MROH2A: variants seen among roughly 807,000 people sequenced by gnomAD.
The protein encoded by MROH2A is maestro heat-like repeat-containing protein family member 2A.
In MROH2A, 174 loss-of-function variants were observed where a neutral mutation model predicts 200.4. The ratio of observed to expected loss-of-function variants is 0.87; its 90% confidence interval spans 0.77 to 0.98. The LOEUF (loss-of-function observed/expected upper bound fraction) is 0.98. Among genes scored for constraint, MROH2A ranks in the 50% least tolerant of loss-of-function variants. The pLI is 0.00. For synonymous variants in MROH2A, 829 were observed against 840.4 expected, an observed-to-expected ratio of 0.99 and a Z score of 0.23; for missense variants, 2,045 against 2,139.6, an observed-to-expected ratio of 0.96 and a Z score of 0.87.
At position 233,780,806 on chromosome 2, in the gene MROH2A, A is replaced by G. The variant is rs948155098; in HGVS notation, c.276+954A>G. Among the ~76,000 whole-genome samples, 11 of 152,320 alleles carry G rather than the reference A, an allele frequency of 7.2e-5. No individual in the cohort carries two copies. In the East Asian group the frequency reaches 2.1e-3, roughly 29 times the overall value. On this transcript the variant is annotated intron_variant, in intron 3 of 41. Transcript: ENST00000389758. ...TCATTGTTGACTATATTCACAACCT[A>G]CAGTGCTATAGAACACAAGAGCTTA... is the stretch of plus-strand genomic sequence containing the variant.
intron 12 of MROH2A, among the ~76,000 whole-genome samples, chr2:233,799,514 G>A (rs947646139): frequency 1.3e-5 from 2 of 152,186 alleles, no homozygotes; most frequent in African/African-American, 2.4e-5. Context: ...CACGGCAAGG[G>A]CTGCTAGAAT....
chr2:233,781,292 C>T (rs1294922282), intron 3 of MROH2A, among the ~76,000 whole-genome samples: 1 of 152,092 alleles, frequency 6.6e-6, no homozygotes, highest in Non-Finnish European at 1.5e-5. Flanking sequence ...TCTAGTTTTA[C>T]TTTTTTTGAG....
chr2:233,796,206 C>A lies in MROH2A; in HGVS notation c.1145C>A (p.Ser382Tyr). 5 of 1,550,080 alleles carry A rather than the reference C, an allele frequency of 3.2e-6. No homozygotes were observed. The South Asian group carries it at 3.6e-5, about 11-fold the overall frequency. The stretch of plus-strand genomic sequence containing the variant: ...CTGTCCTTCCACCCTGCAGCTCGCT[C>A]CTACCCCAAGGAGCTGATGAAGTTC... ...MVHCFVALAR[S>Y]YPKELMKFFF... The change falls in exon 11 of 42, where the codon TCC becomes TAC. Residue 382 changes from serine (S) to tyrosine (Y), a missense_variant. By Grantham distance (144) the Ser-to-Tyr change is moderately radical. Transcript: ENST00000389758.
chr2:233,827,523 G>A (rs1029519573), intron 35 of MROH2A, among the ~76,000 whole-genome samples: 8 of 152,160 alleles, frequency 5.3e-5, no homozygotes, highest in African/African-American at 9.7e-5. Context: ...TGAACAATGA[G>A]ATCACATGGA....
rs1704809534 is a variant in MROH2A, at chr2:233,832,192, G to GCTGTTCTCTA, written c.4752_4761dup (p.Arg1588CysfsTer14). On this transcript the variant is annotated frameshift_variant, in exon 40 of 42. Transcript: ENST00000389758. LOFTEE classifies it high-confidence loss of function. ...CTTTTTGCAGACTCGGAAAAAGCCG[G>GCTGTTCTCTA]CTGTTCTCTACCGCTTCTTGCTAGA... 4 of 1,550,470 alleles carry GCTGTTCTCTA rather than the reference G, an allele frequency of 2.6e-6. No individual in the cohort carries two copies. In the African/African-American group the frequency reaches 4.1e-5, roughly 16 times the overall value.
At chr2:233,799,595 G>A (rs993327861) in intron 12 of MROH2A, among the ~76,000 whole-genome samples, 185 bp from the exon 13 acceptor site, 1 of 152,100 alleles carries the variant, frequency 6.6e-6, no homozygotes, top group Non-Finnish European at 1.5e-5. Flanking sequence ...CTCCCAGGTG[G>A]GCATGCTGCA....
chr2:233,789,575 T>G lies in MROH2A; in HGVS notation c.355T>G (p.Cys119Gly), dbSNP rs1701592448. ...IQQEGELEEQ[C>G]VQRLVAIASK... ...GCAGGAGGGGGAGCTGGAGGAGCAG[T>G]GCGTGCAGAGGCTGGTGGCCATTGC... The change falls in exon 4 of 42, where the codon TGC (cysteine) becomes GGC (glycine). Residue 119 changes from cysteine (C) to glycine (G), a missense_variant. This residue lies in a region of MROH2A where 831 missense variants were observed against 800.0 expected (regional missense o/e 1.04). Transcript: ENST00000389758. 6.7e-7 allele frequency: 1 copy of G among 1,500,784 alleles called. No homozygotes were observed. The highest frequency in any genetic ancestry group is 2.3e-5 in the Admixed American group (1 of 43,302). 93.0% of individuals were successfully genotyped at this position (1,500,784 alleles called of 1,614,324 possible). A position where few individuals can be genotyped will look rare whatever the true frequency, so the allele number is the denominator to read the frequency against.
At chr2:233,816,079 T>C (rs1260198000) in intron 26 of MROH2A, among the ~76,000 whole-genome samples, 2 of 152,338 alleles carry the variant, frequency 1.3e-5, no homozygotes, top group South Asian at 2.1e-4. Context: ...TCCTTTTAAA[T>C]TGACTGAGAT....
intron 38 of MROH2A, among the ~76,000 whole-genome samples, chr2:233,829,997 G>C (rs1006107814): frequency 1.3e-5 from 2 of 152,116 alleles, no homozygotes; most frequent in African/African-American, 4.8e-5. Flanking sequence ...ACCTCACTAA[G>C]CAGTCTCAGC....
chr2:233,792,219 C>G (rs28948069), intron 5 of MROH2A, among the ~76,000 whole-genome samples: 24,796 of 151,956 alleles, frequency 0.16, 2,106 homozygotes, highest in East Asian at 0.29. Flanking sequence ...TTCCCTCCCT[C>G]TCTCGGACCT....
rs1392154983 is a variant in MROH2A, at chr2:233,820,805, G to A, written c.3512+749G>A. 2.0e-5 allele frequency among the ~76,000 whole-genome samples: 3 copies of A among 152,286 alleles called. No individual in the cohort carries two copies. The highest frequency in any genetic ancestry group is 4.8e-5 in the African/African-American group (2 of 41,570). ...GAAAAGAGTTTTAAAAATAGGCCCC[G>A]GCTCCAGAGCCACAAGGGCTGACCT... On this transcript the variant is annotated intron_variant, in intron 31 of 41. Transcript: ENST00000389758. The surrounding 1 kb of genome is among the most constrained non-coding windows in gnomAD (Gnocchi z 4.1).
chr2:233,780,897 C>G (rs6722064), intron 3 of MROH2A, among the ~76,000 whole-genome samples: 40,580 of 151,940 alleles, frequency 0.27, 5,730 homozygotes, highest in South Asian at 0.36. Flanking sequence ...CCTGCCCTTA[C>G]CTTTCCCATA....
intron 15 of MROH2A, among the ~76,000 whole-genome samples, chr2:233,803,213 G>T (rs1403870096): frequency 6.6e-6 from 1 of 152,234 alleles, no homozygotes; most frequent in Non-Finnish European, 1.5e-5. Context: ...CCTGAAAAGA[G>T]CATCTTCTAA....
rs145684149 is a variant in MROH2A, at chr2:233,779,560, A to T, written c.94+108A>T. On this transcript the variant is annotated intron_variant, in intron 2 of 41. Coordinates refer to ENST00000389758, the MANE Select transcript of MROH2A (RefSeq NM_001394639.1). ...TTTCTCCATCTGCACAGTGGACATC[A>T]TACCACACATGAAGCTGGAGCTGCG... The T allele has an allele frequency of 6.5e-6, 9 of 1,394,246 alleles. No individual in the cohort carries two copies. The African/African-American group carries it at 1.3e-4, about 20-fold the overall frequency. 86.4% of individuals were successfully genotyped at this position (1,394,246 alleles called of 1,614,324 possible).
chr2:233,827,789 T>C (rs1388812987), intron 35 of MROH2A, among the ~76,000 whole-genome samples: 1 of 145,408 alleles, frequency 6.9e-6, no homozygotes, highest in Non-Finnish European at 1.5e-5. Flanking sequence ...TTCTTCAAAT[T>C]TGATAGGGAT....
chr2:233,809,162 G>A lies in MROH2A; in HGVS notation c.2332G>A (p.Ala778Thr). 6.4e-7 allele frequency: 1 copy of A among 1,550,436 alleles called. No individual in the cohort carries two copies. Reference sequence around the variant, plus strand: ...CTGGAGGCGGGAGACAGTGAAAAGTGCCCTCATGGTGATGTATAGCTGCGT... The same window carrying A: ...CTGGAGGCGGGAGACAGTGAAAAGTACCCTCATGGTGATGTATAGCTGCGT... Reference protein sequence around the residue: ...HPWRRETVKSALMVMYSCVAS... With the variant: ...HPWRRETVKSTLMVMYSCVAS... Residue 778 changes from alanine (A) to threonine (T), a missense_variant, in exon 22 of 42, where the codon GCC becomes ACC. By Grantham distance (58) the Ala-to-Thr change is moderately conservative (BLOSUM62 0). Transcript: ENST00000389758.
chr2:233,829,691 G>C lies in MROH2A; in HGVS notation c.4518G>C (p.Lys1506Asn). 2 of 1,495,504 alleles carry C rather than the reference G, an allele frequency of 1.3e-6. No individual in the cohort carries two copies. The highest frequency in any genetic ancestry group is 1.8e-6 in the Non-Finnish European group (2 of 1,119,834). The allele number at this position is 1,495,504 out of a possible 1,614,324, so 92.6% of individuals were successfully genotyped here. A position where few individuals can be genotyped will look rare whatever the true frequency, so the allele number is the denominator to read the frequency against. The change falls in exon 38 of 42, where the codon AAG becomes AAC. Residue 1506 changes from lysine to asparagine, a missense_variant. This residue lies in a region of MROH2A where 1,201 missense variants were observed against 1,311.3 expected (regional missense o/e 0.92). Coordinates refer to ENST00000389758, the MANE Select transcript of MROH2A (RefSeq NM_001394639.1). Reference protein sequence around the residue: ...GKLARVVGMSKKHFFKGEVKK... With the variant: ...GKLARVVGMSNKHFFKGEVKK... ...TGGCAAGGGTGGTCGGGATGTCCAA[G>C]AAGCATTTCTTCAAAGGGGAGGTGA...
Position 233,823,614 on chromosome 2 carries a change from G to A in MROH2A, c.4063G>A (p.Gly1355Ser), listed in dbSNP as rs1704105765. Reference sequence around the variant, plus strand: ...GAGGCTGGCCGAGCTGGTGCTCAGGGGCATGGACTCAGAAGTCCTGAGCTG... The same window carrying A: ...GAGGCTGGCCGAGCTGGTGCTCAGGAGCATGGACTCAGAAGTCCTGAGCTG... Reference protein sequence around the residue: ...RQRLAELVLRGMDSEVLSCRI... With the variant: ...RQRLAELVLRSMDSEVLSCRI... The change falls in exon 35 of 42, where the codon GGC becomes AGC. Residue 1355 changes from glycine to serine, a missense_variant. By Grantham distance (56) the Gly-to-Ser change is moderately conservative (BLOSUM62 0). Coordinates refer to ENST00000389758, the MANE Select transcript of MROH2A (RefSeq NM_001394639.1). 2 of 1,550,378 alleles carry A rather than the reference G, an allele frequency of 1.3e-6. No individual in the cohort carries two copies. The highest frequency in any genetic ancestry group is 2.7e-5 in the African/African-American group (2 of 73,054).
intron 5 of MROH2A, among the ~76,000 whole-genome samples, chr2:233,791,721 G>T (rs1307992043): frequency 6.6e-6 from 1 of 152,158 alleles, no homozygotes; most frequent in Non-Finnish European, 1.5e-5. Flanking sequence ...GGCACAGGGA[G>T]AACAATCTCA....
Sources: allele counts gnomAD v4.1 joint callset (sites outside exome capture counted in the v4.1 genomes callset), GRCh38; gene constraint gnomAD v4.1.1; regional missense constraint gnomAD v4.1.1; non-coding constraint Gnocchi (gnomAD v3.1); transcripts MANE v1.5; gene names NCBI Gene and HGNC (gene_info 2026-07-23, HGNC 2026-07-21).